The following SLC47A2 variants were observed in gnomAD, a reference collection of about 807,000 sequenced individuals.
The protein encoded by SLC47A2 is solute carrier family 47 member 2, also known as multidrug and toxin extrusion protein 2.
In SLC47A2, 52 loss-of-function variants were observed where a neutral mutation model predicts 67.7. The observed-to-expected ratio is 0.77, with a 90% CI of 0.61 to 0.97. The LOEUF is 0.97. SLC47A2 is among the 50% of genes least tolerant of loss of function. SLC47A2 has a pLI of 0.00. For synonymous variants in SLC47A2, 278 were observed against 292.9 expected (o/e 0.95, Z 0.52); for missense variants, 676 against 712.3 (o/e 0.95, Z 0.58).
intron 15 of SLC47A2, among the ~76,000 whole-genome samples, chr17:19,681,062 A>T (rs2085301222): frequency 6.6e-6 from 1 of 151,938 alleles, no homozygotes; most frequent in South Asian, 2.1e-4. Context: ...AAATACAAAA[A>T]ATTAGCTGGG....
chr17:19,712,481 C>T (rs931751901), intron 5 of SLC47A2, among the ~76,000 whole-genome samples: 3 of 152,148 alleles, frequency 2.0e-5, no homozygotes, highest in Non-Finnish European at 4.4e-5. Flanking sequence ...TCATGCTTTT[C>T]GTATTTTCTC....
rs1197883801 is a variant in SLC47A2 at position 19,703,098 on chromosome 17, T to C, written c.1088A>G (p.Asn363Ser). The C allele has an allele frequency of 6.2e-6, 10 of 1,614,094 alleles. No individual in the cohort carries two copies. Among genetic ancestry groups the C allele is most frequent in the South Asian group, 2.2e-5 (2 of 91,082 alleles). ...CAGAAAACTGATTACCTACTCATCA[T>C]TGGTAAAAATATGCCCCAGCTGATT... ...LKNQLGHIFTNDEDVIALVSQ... is the reference protein window; with the variant it reads ...LKNQLGHIFTSDEDVIALVSQ... The change falls in exon 12 of 17, where the codon AAT (asparagine) becomes AGT (serine). Residue 363 changes from asparagine to serine, a missense_variant. Physicochemically the swap from Asn to Ser is conservative, Grantham distance 46 (BLOSUM62 1). Coordinates refer to ENST00000433844, the MANE Select transcript of SLC47A2 (RefSeq NM_001099646.3).
At chr17:19,693,109 G>A (rs1009309479) in intron 13 of SLC47A2, among the ~76,000 whole-genome samples, 48 of 149,768 alleles carry the variant, frequency 3.2e-4, no homozygotes, top group African/African-American at 1.1e-3. Flanking sequence ...CCAGCCTGGC[G>A]ACGGAGTGAG....
Position 19,678,910 on chromosome 17 carries a change from C to T in SLC47A2, c.1481-4G>A, listed in dbSNP as rs113019207. On this transcript the variant is annotated splice_region_variant and splice_polypyrimidine_tract_variant and intron_variant, in intron 16 of 16. Coordinates refer to ENST00000433844, the MANE Select transcript of SLC47A2 (RefSeq NM_001099646.3). ...CCAGGGGAACTGCCTGTAGCCACTG[C>T]GGAAGCAAACAGGAGCAAACTCAGC... 1,530 of 1,561,768 alleles carry T rather than the reference C, an allele frequency of 9.8e-4. 19 individuals carry two copies. The East Asian group carries it at 0.024, about 24-fold the overall frequency.
At chr17:19,697,015 G>A (rs1392393379) in intron 13 of SLC47A2, among the ~76,000 whole-genome samples, 1 of 152,204 alleles carries the variant, frequency 6.6e-6, no homozygotes, top group Non-Finnish European at 1.5e-5. Context: ...ATTAAGGCCA[G>A]GCGTGGTGGC....
chr17:19,703,719 A>C (rs2085850436), intron 11 of SLC47A2, among the ~76,000 whole-genome samples: 1 of 152,206 alleles, frequency 6.6e-6, no homozygotes, highest in African/African-American at 2.4e-5. Context: ...GACTCTGGAC[A>C]GCTGGAAGGA....
intron 13 of SLC47A2, among the ~76,000 whole-genome samples, chr17:19,681,903 C>G (rs1372091116): frequency 6.6e-6 from 1 of 152,158 alleles, no homozygotes; most frequent in African/African-American, 2.4e-5. Flanking sequence ...CCCTACAGTA[C>G]TCAGGCTTCA....
chr17:19,680,304 C>G (rs2085285683), intron 15 of SLC47A2, among the ~76,000 whole-genome samples: 1 of 152,008 alleles, frequency 6.6e-6, no homozygotes, highest in African/African-American at 2.4e-5. Flanking sequence ...ATAGTGAAAC[C>G]CTGTCTCTAC....
At chr17:19,693,258 A>G (rs1405216043) in intron 13 of SLC47A2, among the ~76,000 whole-genome samples, 1 of 152,210 alleles carries the variant, frequency 6.6e-6, no homozygotes, top group Non-Finnish European at 1.5e-5. Context: ...CCACATGATT[A>G]TCTCAATAGA....
rs972465529 is a variant in SLC47A2 at position 19,715,029 on chromosome 17, C to A, written c.225+87G>T. ...TGGGCTGTGTCTTCCCATCCCTGAC[C>A]AGCCACCCAAGACGGGCCCACCCGG... On this transcript the variant is annotated intron_variant, in intron 2 of 16. Coordinates refer to ENST00000433844, the MANE Select transcript of SLC47A2 (RefSeq NM_001099646.3). The A allele has an allele frequency of 7.2e-5, 104 of 1,444,078 alleles. No individual in the cohort carries two copies. In the Admixed American group the frequency reaches 1.7e-3, roughly 24 times the overall value. The allele number at this position is 1,444,078 out of a possible 1,614,324, so 89.5% of individuals were successfully genotyped here.
chr17:19,716,939 C>A (rs531071312), upstream of SLC47A2: 2 of 190,964 alleles, frequency 1.0e-5, no homozygotes, highest in East Asian at 1.4e-4. Context: ...AGCCACTGGG[C>A]GTCCTGTACC....
In SLC47A2 at chr17:19,716,579, C is replaced by A; in HGVS notation, c.-24G>T. 6.4e-7 allele frequency: 1 copy of A among 1,573,034 alleles called. No individual in the cohort carries two copies. The highest frequency in any genetic ancestry group is 1.2e-5 in the South Asian group (1 of 84,248). The stretch of plus-strand genomic sequence containing the variant: ...ATTCCTGGCCGGGGCACTGGCTACC[C>A]TGCACGCCTGAGCGCCTGCACGGCC... On this transcript the variant is annotated 5_prime_UTR_variant, in exon 1 of 17. The change creates a new upstream start codon in the 5' untranslated region. Coordinates refer to ENST00000433844, the MANE Select transcript of SLC47A2 (RefSeq NM_001099646.3).
intron 1 of SLC47A2, chr17:19,715,694 T>TTTA (rs2086235709): frequency 8.0e-6 from 1 of 124,410 alleles, no homozygotes; most frequent in African/African-American, 2.9e-5. Context: ...CCTTTTTGGT[T>TTTA]TTGTTTTTTT....
intron 13 of SLC47A2, 136 bp from the exon 14 acceptor site, chr17:19,681,806 T>C (rs1415699376): frequency 1.8e-6 from 2 of 1,089,352 alleles, no homozygotes; most frequent in East Asian, 5.1e-5. Flanking sequence ...GGTGCCCTTA[T>C]CTCCCTTTCT....
chr17:19,695,733 T>A (rs993746126), intron 13 of SLC47A2, among the ~76,000 whole-genome samples: 5 of 151,988 alleles, frequency 3.3e-5, no homozygotes, highest in African/African-American at 1.2e-4. Context: ...ATTCCTTTTT[T>A]TTTTTTTAAG....
intron 11 of SLC47A2, among the ~76,000 whole-genome samples, chr17:19,703,553 C>T (rs2085845722): frequency 6.6e-6 from 1 of 152,244 alleles, no homozygotes; most frequent in Non-Finnish European, 1.5e-5. Context: ...CAGGCTACAG[C>T]CTAAGAACCA....
chr17:19,716,284 T>G (rs1035646673), intron 1 of SLC47A2, 149 bp downstream of exon 1: 8 of 1,269,018 alleles, frequency 6.3e-6, no homozygotes, highest in Non-Finnish European at 8.5e-6. Flanking sequence ...GGAGCCATCC[T>G]GCTGTCCCCA....
chr17:19,688,923 T>C (rs1424379704), intron 13 of SLC47A2, among the ~76,000 whole-genome samples: 1 of 150,924 alleles, frequency 6.6e-6, no homozygotes, highest in Non-Finnish European at 1.5e-5. Flanking sequence ...TGGAGTGCAA[T>C]GGTGCATTCA....
At chr17:19,682,898 G>A (rs528816971) in intron 13 of SLC47A2, among the ~76,000 whole-genome samples, 110 of 152,282 alleles carry the variant, frequency 7.2e-4, no homozygotes, top group African/African-American at 2.6e-3. Context: ...TTTTCCCAAC[G>A]TGATTCCAGA....
Sources: allele counts gnomAD v4.1 joint callset (sites outside exome capture counted in the v4.1 genomes callset), GRCh38; gene constraint gnomAD v4.1.1; transcripts MANE v1.5; gene names NCBI Gene and HGNC (gene_info 2026-07-23, HGNC 2026-07-21).